The following TVP23A variants were observed in gnomAD, a reference collection of about 807,000 sequenced individuals.
TVP23A encodes the protein trans-golgi network vesicle protein 23 homolog A, also known as Golgi apparatus membrane protein TVP23 homolog A.
Under a neutral mutation model 31.7 loss-of-function variants are expected in TVP23A, and 21 were observed. The ratio of observed to expected loss-of-function variants is 0.66; its 90% CI spans 0.47 to 0.95. TVP23A has a LOEUF of 0.95. Ranked by LOEUF, TVP23A falls within the 40% of genes least tolerant of loss-of-function variation. TVP23A has a pLI of 0.00. For synonymous variants in TVP23A, 104 were observed against 96.0 expected, an observed-to-expected ratio of 1.08 and a Z score of -0.49; for missense variants, 279 against 255.6, an observed-to-expected ratio of 1.09 and a Z score of -0.62.
chr16:10,813,210 T>TA, intron 2 of TVP23A, among the ~76,000 whole-genome samples: 1 of 152,224 alleles, frequency 6.6e-6, no homozygotes, highest in Non-Finnish European at 1.5e-5. Context: ...GTCAGGCTGA[T>TA]ACAATTATCC....
chr16:10,818,250 C>T lies in TVP23A; in HGVS notation c.10-68G>A, dbSNP rs1596597094. 3 of 995,676 alleles carry T rather than the reference C, an allele frequency of 3.0e-6. No homozygotes were observed. In the East Asian group the frequency reaches 1.2e-4, roughly 39 times the overall value. The allele number at this position is 995,676 out of a possible 1,614,324, so 61.7% of individuals were successfully genotyped here. ...CACACCCCAACCCCACCCGCCCTGT[C>T]CTCCTGGGCTTGGACTCCACTTGCA... On this transcript the variant is annotated intron_variant, in intron 1 of 7. Coordinates refer to ENST00000299866, the MANE Select transcript of TVP23A (RefSeq NM_001079512.4). This position sits in a 1 kb window ranked among gnomAD's most constrained non-coding sequence, Gnocchi z 4.7.
intron 2 of TVP23A, among the ~76,000 whole-genome samples, chr16:10,810,697 G>A (rs917033488): frequency 5.9e-5 from 9 of 152,242 alleles, no homozygotes; most frequent in South Asian, 4.1e-4. Context: ...TAGGATAGCC[G>A]TCCTCATCTC....
chr16:10,780,578 G>A (rs114138499), intron 2 of TVP23A, among the ~76,000 whole-genome samples: 2 of 152,220 alleles, frequency 1.3e-5, no homozygotes, highest in South Asian at 2.1e-4. Flanking sequence ...GGGCTTGGGC[G>A]CTAGACCACC....
intron 2 of TVP23A, among the ~76,000 whole-genome samples, chr16:10,808,167 G>A (rs2034029085): frequency 6.6e-6 from 1 of 152,192 alleles, no homozygotes; most frequent in African/African-American, 2.4e-5. Flanking sequence ...AAAAAACCTG[G>A]AATAGTGCTT....
downstream of TVP23A, chr16:10,758,033 C>T (rs368338068): frequency 8.9e-5 from 143 of 1,610,800 alleles, no homozygotes; most frequent in Non-Finnish European, 1.2e-4. Flanking sequence ...CCCAGGTGAG[C>T]GAGCTGCCAG....
intron 2 of TVP23A, among the ~76,000 whole-genome samples, chr16:10,776,635 C>G (rs1448792946): frequency 1.3e-5 from 2 of 152,016 alleles, no homozygotes; most frequent in South Asian, 2.1e-4. Context: ...TTGGATCTCA[C>G]CCAAGAAAGA....
At position 10,782,497 on chromosome 16, in the gene TVP23A, T is replaced by TTTTTGTTTG. The variant is rs568070817; in HGVS notation, c.90-7410_90-7402dup. Among the ~76,000 whole-genome samples the TTTTTGTTTG allele has an allele frequency of 2.6e-5, 4 of 152,014 alleles. No homozygotes were observed. The East Asian group carries it at 7.8e-4, about 29-fold the overall frequency. ...TGAAGTTTTGTTGGTTTTGTTTTCG[T>TTTTTGTTTG]TTTTGTTTGTTTTGTTTGTTTTTAA... On this transcript the variant is annotated intron_variant, in intron 2 of 7. Coordinates refer to ENST00000299866, the MANE Select transcript of TVP23A (RefSeq NM_001079512.4).
chr16:10,775,352 AATATCAC>A (rs2031936278), intron 2 of TVP23A: 1 of 1,302,544 alleles, frequency 7.7e-7, no homozygotes, highest in African/African-American at 1.5e-5. Context: ...CTTGACTCCA[AATATCAC>A]TTGCCCTCTT....
At chr16:10,785,525 G>T (rs1389080575) in intron 2 of TVP23A, among the ~76,000 whole-genome samples, 3 of 152,258 alleles carry the variant, frequency 2.0e-5, no homozygotes, top group African/African-American at 7.2e-5. Flanking sequence ...TCTAAAGCAG[G>T]TCTGATTTGG....
Position 10,767,922 on chromosome 16 carries a change from T to C in TVP23A, c.*1180A>G, listed in dbSNP as rs376176113. Reference sequence around the variant, plus strand: ...CATTCTGTTTTCCTCTTGGACTGAATTGTCTTCCGTTTGTTTCTTTTTTAA... The same window carrying C: ...CATTCTGTTTTCCTCTTGGACTGAACTGTCTTCCGTTTGTTTCTTTTTTAA... On this transcript the variant is annotated 3_prime_UTR_variant, in exon 8 of 8. Coordinates refer to ENST00000299866, the MANE Select transcript of TVP23A (RefSeq NM_001079512.4). The surrounding 1 kb of genome is among the most constrained non-coding windows in gnomAD (Gnocchi z 4.6). 1.6e-5 allele frequency: 25 copies of C among 1,608,908 alleles called. No individual in the cohort carries two copies. The African/African-American group carries it at 1.6e-4, about 10-fold the overall frequency.
chr16:10,785,559 G>A (rs1207256731), intron 2 of TVP23A, among the ~76,000 whole-genome samples: 1 of 152,350 alleles, frequency 6.6e-6, no homozygotes, highest in East Asian at 1.9e-4. Flanking sequence ...GAATATCTGA[G>A]ACAGGTCTCA....
At chr16:10,758,709 T>C (rs2142731737), downstream of TVP23A, among the ~76,000 whole-genome samples, 1 of 152,316 alleles carries the variant, frequency 6.6e-6, no homozygotes, top group East Asian at 1.9e-4. Flanking sequence ...TACAGTGGAT[T>C]TTCCGTTTAC....
chr16:10,770,198 C>T, intron 7 of TVP23A, 74 bp downstream of exon 7: 7 of 1,529,800 alleles, frequency 4.6e-6, no homozygotes, highest in Non-Finnish European at 5.3e-6. Context: ...AGACCCCGGG[C>T]CCCTGTGCCC....
At position 10,777,252 on chromosome 16, in the gene TVP23A, G is replaced by T. The variant is rs2032095462; in HGVS notation, c.90-2156C>A. ...CCAGACCCAGTACTGCCAGAGCCAA[G>T]ATTTTCATGAGAAGTCAGAAATCCA... On this transcript the variant is annotated intron_variant, in intron 2 of 7. Coordinates refer to ENST00000299866, the MANE Select transcript of TVP23A (RefSeq NM_001079512.4). The surrounding 1 kb of genome is among the most constrained non-coding windows in gnomAD (Gnocchi z 4.5). Among the ~76,000 whole-genome samples the T allele has an allele frequency of 6.6e-6, 1 of 152,134 alleles. No individual in the cohort carries two copies. Among genetic ancestry groups the T allele is most frequent in the South Asian group, 2.1e-4 (1 of 4,826 alleles).
At chr16:10,765,454 G>C (rs746995718), downstream of TVP23A, among the ~76,000 whole-genome samples, 10 of 151,986 alleles carry the variant, frequency 6.6e-5, no homozygotes, top group Non-Finnish European at 7.4e-5. This position sits in a 1 kb window ranked among gnomAD's most constrained non-coding sequence, Gnocchi z 4.0. Flanking sequence ...GTTGCAGTGA[G>C]CCATGATCAC....
chr16:10,762,106 A>G, downstream of TVP23A: 2 of 397,714 alleles, frequency 5.0e-6, no homozygotes, highest in East Asian at 8.2e-5. Context: ...AGAATGGGGT[A>G]GAGGTTGGTG....
At chr16:10,791,833 T>G (rs1474721799) in intron 2 of TVP23A, among the ~76,000 whole-genome samples, 1 of 152,182 alleles carries the variant, frequency 6.6e-6, no homozygotes, top group Non-Finnish European at 1.5e-5. Context: ...GCCAAGATGG[T>G]CTCAGTCTCC....
chr16:10,809,209 C>T (rs1001741037), intron 2 of TVP23A, among the ~76,000 whole-genome samples: 1 of 152,220 alleles, frequency 6.6e-6, no homozygotes, highest in Non-Finnish European at 1.5e-5. Flanking sequence ...CCAACATCAA[C>T]CCCATTTTAC....
chr16:10,785,156 GC>G (rs1210936533), intron 2 of TVP23A, among the ~76,000 whole-genome samples: 3 of 149,974 alleles, frequency 2.0e-5, no homozygotes, highest in South Asian at 4.2e-4. Flanking sequence ...TATAATCCCA[GC>G]ACTTTGGGAG....
Sources: allele counts gnomAD v4.1 joint callset (sites outside exome capture counted in the v4.1 genomes callset), GRCh38; gene constraint gnomAD v4.1.1; non-coding constraint Gnocchi (gnomAD v3.1); transcripts MANE v1.5; gene names NCBI Gene and HGNC (gene_info 2026-07-23, HGNC 2026-07-21).